PGBD5: variants seen among roughly 807,000 people sequenced by gnomAD.
The protein encoded by PGBD5 is piggyBac transposable element-derived protein 5.
In PGBD5, 14 loss-of-function variants were observed where a neutral mutation model predicts 47.9. The ratio of observed to expected loss-of-function variants is 0.29; its 90% CI spans 0.19 to 0.46. The LOEUF (loss-of-function observed/expected upper bound fraction) is 0.46. Among genes scored for constraint, PGBD5 ranks in the 20% least tolerant of loss-of-function variants. The pLI, the probability that PGBD5 is intolerant of heterozygous loss-of-function variation, is 1.00. For missense variants in PGBD5, 635 were observed against 716.0 expected (o/e 0.89, Z 1.29); for synonymous variants, 316 against 306.3 (o/e 1.03, Z -0.33).
intron 1 of PGBD5, among the ~76,000 whole-genome samples, chr1:230,410,494 G>T (rs1657388122): frequency 6.6e-6 from 1 of 152,076 alleles, no homozygotes; most frequent in Non-Finnish European, 1.5e-5. Context: ...ATACTTCGTT[G>T]ATCACAATCC....
At chr1:230,389,142 G>A (rs1656723119) in intron 1 of PGBD5, among the ~76,000 whole-genome samples, 1 of 151,942 alleles carries the variant, frequency 6.6e-6, no homozygotes, top group Non-Finnish European at 1.5e-5. Context: ...CAAAACCCTT[G>A]GAGGTTCTAC....
At chr1:230,385,627 A>G (rs1414741574) in intron 1 of PGBD5, among the ~76,000 whole-genome samples, 1 of 152,224 alleles carries the variant, frequency 6.6e-6, no homozygotes, top group African/African-American at 2.4e-5. Context: ...GCAAAAGGAA[A>G]ATACCATAAA....
intron 1 of PGBD5, among the ~76,000 whole-genome samples, chr1:230,414,777 G>A (rs184698566): frequency 1.8e-3 from 270 of 152,316 alleles, no homozygotes; most frequent in Non-Finnish European, 3.4e-3. Flanking sequence ...GCTGGGACCT[G>A]AAGGAAGCAA....
chr1:230,371,480 A>C (rs1340763114), intron 1 of PGBD5, among the ~76,000 whole-genome samples: 2 of 151,096 alleles, frequency 1.3e-5, no homozygotes, highest in East Asian at 3.9e-4. Flanking sequence ...TTGAAGTCAC[A>C]AAGGTTACTG....
At chr1:230,381,027 AAC>A (rs1656467308) in intron 1 of PGBD5, among the ~76,000 whole-genome samples, 1 of 152,236 alleles carries the variant, frequency 6.6e-6, no homozygotes, top group Non-Finnish European at 1.5e-5. Flanking sequence ...CAATGAGGCA[AAC>A]ACCATCCACG....
intron 3 of PGBD5, among the ~76,000 whole-genome samples, chr1:230,338,397 G>A (rs1020417015): frequency 4.6e-5 from 7 of 152,162 alleles, no homozygotes; most frequent in South Asian, 2.1e-4. Context: ...GTTTCCTTAC[G>A]GCTGCAGGAC....
chr1:230,339,647 A>ATG (rs34035066), intron 3 of PGBD5, among the ~76,000 whole-genome samples: 1 of 113,260 alleles, frequency 8.8e-6, no homozygotes, highest in Non-Finnish European at 2.1e-5. Context: ...AATGTGGCAT[A>ATG]TACACAAGAT....
intron 3 of PGBD5, among the ~76,000 whole-genome samples, chr1:230,348,885 G>A (rs1210771279): frequency 6.6e-6 from 1 of 152,332 alleles, no homozygotes; most frequent in East Asian, 1.9e-4. Context: ...CTGCACCTCT[G>A]AGCACATTTT....
At chr1:230,326,825 C>T (rs931987771) in intron 5 of PGBD5, among the ~76,000 whole-genome samples, 1 of 152,148 alleles carries the variant, frequency 6.6e-6, no homozygotes, top group African/African-American at 2.4e-5. Context: ...TTTCAACCCT[C>T]CCATCCCCCA....
chr1:230,323,742 G>A lies in PGBD5; in HGVS notation c.1380-122C>T, dbSNP rs1322772976. ...GCAGGTTCGCCCCCGACAGAAGCAG[G>A]AGGGCTATGGGGGCAGGAGTCAGGC... On this transcript the variant is annotated intron_variant, in intron 6 of 6. Transcript: ENST00000391860. The surrounding 1 kb of genome is among the most constrained non-coding windows in gnomAD (Gnocchi z 4.1). 6.5e-6 allele frequency: 6 copies of A among 917,394 alleles called. No homozygotes were observed. The highest frequency in any genetic ancestry group is 5.0e-5 in the South Asian group (3 of 60,544). 56.8% of individuals were successfully genotyped at this position (917,394 alleles called of 1,614,324 possible).
rs1666942057 is a variant in PGBD5 at position 230,316,092 on chromosome 1, A to G, written c.*7333T>C. 2 of 149,216 alleles carry G rather than the reference A, an allele frequency of 1.3e-5. No homozygotes were observed. The highest frequency in any genetic ancestry group is 4.3e-4 in the South Asian group (2 of 4,694). The allele number at this position is 149,216 out of a possible 1,614,324, so 9.2% of individuals were successfully genotyped here. The stretch of plus-strand genomic sequence containing the variant: ...TACATACATGTTTATGTGTATACAT[A>G]CATATGTTTATGTGTACACATATAT... On this transcript the variant is annotated 3_prime_UTR_variant, in exon 7 of 7. Coordinates refer to ENST00000391860, the MANE Select transcript of PGBD5 (RefSeq NM_001258311.2).
intron 3 of PGBD5, among the ~76,000 whole-genome samples, chr1:230,344,088 A>G (rs1667443863): frequency 6.6e-6 from 1 of 152,192 alleles, no homozygotes; most frequent in African/African-American, 2.4e-5. Flanking sequence ...GATGCAGACC[A>G]TCCTGGCTAA....
At chr1:230,364,392 T>C (rs552152026) in intron 1 of PGBD5, among the ~76,000 whole-genome samples, 91 of 152,354 alleles carry the variant, frequency 6.0e-4, no homozygotes, top group African/African-American at 2.0e-3. Context: ...ACCTCCTAAA[T>C]GGTATCTTCC....
chr1:230,323,614 G>T lies in PGBD5; in HGVS notation c.1386C>A (p.Phe462Leu). 1 of 1,613,552 alleles carries T rather than the reference G, an allele frequency of 6.2e-7. No individual in the cohort carries two copies. Among genetic ancestry groups the T allele is most frequent in the African/African-American group, 1.3e-5 (1 of 75,040 alleles). Residue 462 changes from phenylalanine to leucine, a missense_variant, in exon 7 of 7, where the codon TTC (phenylalanine) becomes TTA (leucine). Physicochemically the swap from Phe to Leu is conservative, Grantham distance 22 (BLOSUM62 0). Coordinates refer to ENST00000391860, the MANE Select transcript of PGBD5 (RefSeq NM_001258311.2). The surrounding 1 kb of genome is among the most constrained non-coding windows in gnomAD (Gnocchi z 4.1). Reference sequence around the variant, plus strand: ...AGGTCTTGTTTGGTTTATGAGAAATGAAATACCTGAGGACAGAGGGAATAA... The same window carrying T: ...AGGTCTTGTTTGGTTTATGAGAAATTAAATACCTGAGGACAGAGGGAATAA... ...CRYDDKYSKYFISHKPNKTWQ... is the reference protein window; with the variant it reads ...CRYDDKYSKYLISHKPNKTWQ...
At chr1:230,336,236 A>G (rs1202773908) in intron 4 of PGBD5, 1 of 152,192 alleles carries the variant, frequency 6.6e-6, no homozygotes, top group Non-Finnish European at 1.5e-5. Context: ...CTTCCAACAA[A>G]TAACTATTAA....
intron 1 of PGBD5, among the ~76,000 whole-genome samples, chr1:230,368,842 G>A (rs1419256059): frequency 6.6e-6 from 1 of 152,182 alleles, no homozygotes; most frequent in Non-Finnish European, 1.5e-5. Flanking sequence ...GTGTGCGCTG[G>A]GCCCAGGCCT....
intron 1 of PGBD5, chr1:230,368,010 C>T (rs571352577): frequency 1.5e-5 from 20 of 1,367,878 alleles, no homozygotes; most frequent in South Asian, 5.7e-5. Flanking sequence ...CTCTTCCCCA[C>T]GCCACACCAC....
intron 1 of PGBD5, among the ~76,000 whole-genome samples, chr1:230,394,857 CCT>C (rs1434766380): frequency 2.5e-5 from 3 of 118,276 alleles, no homozygotes; most frequent in Admixed American, 2.5e-4. Context: ...CTCCCTCCCT[CCT>C]CTCATGCTCC....
At chr1:230,406,577 T>C (rs915312191) in intron 1 of PGBD5, among the ~76,000 whole-genome samples, 27 of 152,136 alleles carry the variant, frequency 1.8e-4, no homozygotes, top group Admixed American at 6.5e-5. Context: ...TAAGTAATAA[T>C]ACAAGACAGA....
Sources: gnomAD v4.1 joint callset for allele counts (sites outside exome capture counted in the v4.1 genomes callset) on GRCh38, gnomAD v4.1.1 for gene constraint, Gnocchi (gnomAD v3.1) non-coding constraint, MANE v1.5 for transcripts, NCBI Gene and HGNC (gene_info 2026-07-23, HGNC 2026-07-21) for gene names.